CXorf38: variants seen among roughly 807,000 people sequenced by gnomAD.
The protein encoded by CXorf38 is uncharacterized protein CXorf38.
A neutral mutation model predicts 27.5 loss-of-function variants in CXorf38; 13 were observed. The observed-to-expected ratio is 0.47, with a 90% CI of 0.31 to 0.75. CXorf38 has a LOEUF of 0.75. CXorf38 is among the 30% of genes least tolerant of loss of function. CXorf38 has a pLI of 0.05. For missense variants in CXorf38, 240 were observed against 253.2 expected (o/e 0.95, Z 0.35); for synonymous variants, 100 against 99.8 (o/e 1.00, Z -0.01).
intron 5 of CXorf38, among the ~76,000 whole-genome samples, chrX:40,631,229 ATATATG>A (rs1248455813): frequency 2.1e-5 from 2 of 93,604 alleles, no homozygotes; most frequent in Non-Finnish European, 2.1e-5. Context: ...ACATGTGTAT[ATATATG>A]TGTGTATGTA....
Position 40,647,546 on chromosome X carries a change from G to A in CXorf38, c.-26C>T, listed in dbSNP as rs1462818864. ...GTCTCCCACTTGGAACCAGGAGGTT[G>A]CGGGGCGTGGCGGACGGCAGTGCGC... On this transcript the variant is annotated 5_prime_UTR_variant, in exon 1 of 7. Transcript: ENST00000327877. The A allele has an allele frequency of 2.6e-6, 3 of 1,170,667 alleles. No homozygotes were observed. The highest frequency in any genetic ancestry group is 3.7e-5 in the African/African-American group (2 of 54,033).
intron 3 of CXorf38, among the ~76,000 whole-genome samples, chrX:40,637,412 C>A (rs960675896): frequency 1.8e-5 from 2 of 111,466 alleles, no homozygotes; most frequent in Admixed American, 9.5e-5. Flanking sequence ...GTCTAGAGGG[C>A]AGACACCAAG....
At position 40,629,528 on chromosome X, in the gene CXorf38, A is replaced by T. The variant is rs1414587460; in HGVS notation, c.*636T>A. 8.9e-6 allele frequency: 1 copy of T among 112,558 alleles called. No homozygotes were observed. The highest frequency in any genetic ancestry group is 1.9e-5 in the Non-Finnish European group (1 of 53,326). 9.3% of individuals were successfully genotyped at this position (112,558 alleles called of 1,213,427 possible). On this transcript the variant is annotated 3_prime_UTR_variant, in exon 7 of 7. Transcript: ENST00000327877. ...GCCTGGCCAAACACAGCCTTTACTAAGTTAAGCAGCTACAGTTTAGTACCA... is the reference window on the plus strand; with the variant it reads ...GCCTGGCCAAACACAGCCTTTACTATGTTAAGCAGCTACAGTTTAGTACCA...
At chrX:40,634,629 T>C (rs1286504629) in intron 5 of CXorf38, among the ~76,000 whole-genome samples, 2 of 112,231 alleles carry the variant, frequency 1.8e-5, no homozygotes, top group African/African-American at 6.5e-5. Flanking sequence ...CATTGAAATC[T>C]GGTCCTAACA....
intron 3 of CXorf38, among the ~76,000 whole-genome samples, chrX:40,638,711 C>T (rs2146578168): frequency 8.9e-6 from 1 of 112,259 alleles, no homozygotes; most frequent in South Asian, 3.7e-4. Flanking sequence ...GGTTCATCTA[C>T]TTCAGTGGCA....
In CXorf38 at chrX:40,628,862, C is replaced by G. The variant is rs1356312948; in HGVS notation, c.*1302G>C. On this transcript the variant is annotated 3_prime_UTR_variant, in exon 7 of 7. Coordinates refer to ENST00000327877, the MANE Select transcript of CXorf38 (RefSeq NM_144970.3). ...AGCTGCCAAGCGAGAAGCTCCCCTG[C>G]TCCTGCCTGACATCCCCGCTTGTAA... 1 of 110,997 alleles carries G rather than the reference C, an allele frequency of 9.0e-6. No homozygotes were observed. The highest frequency in any genetic ancestry group is 1.9e-5 in the Non-Finnish European group (1 of 53,034). The allele number at this position is 110,997 out of a possible 1,213,427, so 9.1% of individuals were successfully genotyped here. A position where few individuals can be genotyped will look rare whatever the true frequency, so the allele number is the denominator to read the frequency against.
intron 5 of CXorf38, 51 bp from the exon 6 acceptor site, chrX:40,630,824 T>G: frequency 8.8e-7 from 1 of 1,135,379 alleles, no homozygotes; most frequent in South Asian, 2.0e-5. Flanking sequence ...TATAGCAGAT[T>G]TGTAATTCAA....
rs1254146768 is a variant in CXorf38 at position 40,630,653 on chromosome X, G to A, written c.922C>T (p.Gln308Ter). 8.3e-7 allele frequency: 1 copy of A among 1,208,556 alleles called. No individual in the cohort carries two copies. The highest frequency in any genetic ancestry group is 1.1e-6 in the Non-Finnish European group (1 of 894,419). The change falls in exon 6 of 7, where the codon CAG becomes TAG. Residue 308 changes from glutamine to a stop codon, truncating the protein, a stop_gained. Coordinates refer to ENST00000327877, the MANE Select transcript of CXorf38 (RefSeq NM_144970.3). LOFTEE classifies it high-confidence loss of function. The stretch of plus-strand genomic sequence containing the variant: ...TCAGGTGTTTGTCTCCCAGGTTCCT[G>A]TGAATCCAGTTTTTGATGTAGACAG... ...SLCLHQKLDSQEPGRQTPDRK... is the reference protein window; with the variant it reads ...SLCLHQKLDS
At chrX:40,631,233 ATG>A (rs1569268522) in intron 5 of CXorf38, among the ~76,000 whole-genome samples, 1 of 69,187 alleles carries the variant, frequency 1.4e-5, no homozygotes, top group African/African-American at 4.9e-5. Flanking sequence ...GTGTATATAT[ATG>A]TGTGTATGTA....
At chrX:40,641,680 C>T (rs766315461) in intron 2 of CXorf38, among the ~76,000 whole-genome samples, 2 of 112,348 alleles carry the variant, frequency 1.8e-5, no homozygotes, top group East Asian at 5.6e-4. Flanking sequence ...GCATGAGCCA[C>T]CGTGCCTGTC....
At position 40,633,170 on chromosome X, in the gene CXorf38, C is replaced by T. The variant is rs953652448; in HGVS notation, c.802-2397G>A. Among the ~76,000 whole-genome samples, 14 of 110,838 alleles carry T rather than the reference C, an allele frequency of 1.3e-4. No individual in the cohort carries two copies. In the East Asian group the frequency reaches 2.6e-3, roughly 20 times the overall value. ...CCTACCAGTCTACCTGCTTCTATCT[C>T]GGCCCCTCCCCTCCAGTACCCCGTA... On this transcript the variant is annotated intron_variant, in intron 5 of 6. Coordinates refer to ENST00000327877, the MANE Select transcript of CXorf38 (RefSeq NM_144970.3).
intron 4 of CXorf38, 136 bp from the exon 5 acceptor site, chrX:40,636,848 C>T: frequency 2.5e-6 from 2 of 785,330 alleles, no homozygotes; most frequent in South Asian, 5.9e-5. Flanking sequence ...AAAAGCTTCT[C>T]AGCCCAGCAT....
chrX:40,647,268 TG>T, intron 1 of CXorf38, 36 bp downstream of exon 1: 1 of 424,834 alleles, frequency 2.4e-6, no homozygotes, highest in Non-Finnish European at 3.1e-6. Context: ...AGGGGTGGGG[TG>T]GGGGCGGTGG....
intron 5 of CXorf38, among the ~76,000 whole-genome samples, chrX:40,632,436 C>T (rs1296325196): frequency 1.8e-5 from 2 of 111,961 alleles, no homozygotes; most frequent in Non-Finnish European, 3.8e-5. Context: ...TTCCCATTAT[C>T]TTCAACAGGA....
intron 2 of CXorf38, chrX:40,639,822 G>A (rs1047803309): frequency 1.6e-5 from 2 of 124,395 alleles, no homozygotes; most frequent in Non-Finnish European, 3.2e-5. Context: ...GATGGAATCC[G>A]GGGATGGGAG....
At chrX:40,643,082 G>A (rs907068194) in intron 2 of CXorf38, among the ~76,000 whole-genome samples, 9 of 109,062 alleles carry the variant, frequency 8.3e-5, no homozygotes, top group Middle Eastern at 4.7e-3. Flanking sequence ...AGCCACGCCC[G>A]GCTAATTTTT....
chrX:40,647,328 G>A lies in CXorf38; in HGVS notation c.193C>T (p.Arg65Trp), dbSNP rs748673142. ...ACCTGGCGGGCGCGAGGGCTGCACC[G>A]TGAGCCGCCGCGGCAGACGGCGCGG... ...GPRAVCRGGS[R>W]CSPRARQFQP... The change falls in exon 1 of 7, where the codon CGG (arginine) becomes TGG (tryptophan). Residue 65 changes from arginine to tryptophan, a missense_variant. Physicochemically the swap from Arg to Trp is moderately radical, Grantham distance 101. Coordinates refer to ENST00000327877, the MANE Select transcript of CXorf38 (RefSeq NM_144970.3). 1.8e-6 allele frequency: 2 copies of A among 1,104,179 alleles called. No homozygotes were observed. The highest frequency in any genetic ancestry group is 3.4e-5 in the Admixed American group (1 of 29,212). 91.0% of individuals were successfully genotyped at this position (1,104,179 alleles called of 1,213,427 possible).
intron 2 of CXorf38, among the ~76,000 whole-genome samples, chrX:40,643,005 A>G (rs1475433548): frequency 1.8e-5 from 2 of 110,300 alleles, no homozygotes; most frequent in Admixed American, 9.7e-5. Flanking sequence ...TGAACTCCTG[A>G]CCTCAAGTGA....
chrX:40,631,037 C>T (rs1244755117), intron 5 of CXorf38, among the ~76,000 whole-genome samples: 1 of 110,697 alleles, frequency 9.0e-6, no homozygotes, highest in Non-Finnish European at 1.9e-5. Flanking sequence ...ATTTGCTTGT[C>T]TCCTTCCATT....
Sources: gnomAD v4.1 joint callset for allele counts (sites outside exome capture counted in the v4.1 genomes callset) on GRCh38, gnomAD v4.1.1 for gene constraint, MANE v1.5 for transcripts, NCBI Gene and HGNC (gene_info 2026-07-23, HGNC 2026-07-21) for gene names.